POLA1: variants seen among roughly 807,000 people sequenced by gnomAD.
POLA1 encodes DNA polymerase alpha 1, catalytic subunit, also known as DNA polymerase alpha catalytic subunit.
A neutral mutation model predicts 124.0 loss-of-function variants in POLA1; 15 were observed. That is an observed-to-expected ratio of 0.12 (90% CI 0.08 to 0.19). The LOEUF is 0.19. POLA1 is among the 10% of genes least tolerant of loss of function. The probability of loss-of-function intolerance (pLI) is 1.00; values close to 1 mark genes in which losing one functional copy is unlikely to be tolerated. For missense variants in POLA1, 886 were observed against 1,103.4 expected (o/e 0.80, Z 2.79); for synonymous variants, 408 against 389.4 (o/e 1.05, Z -0.56).
rs1456435596 is a variant in POLA1 at position 24,739,376 on chromosome X, G to T, written c.2042G>T (p.Gly681Val). The change falls in exon 20 of 37, where the codon GGC (glycine) becomes GTC (valine). Residue 681 changes from glycine to valine, a missense_variant and splice_region_variant. Gly to Val is a moderately radical substitution (Grantham distance 109). This residue lies in a region of POLA1 where 182 missense variants were observed against 252.8 expected (regional missense o/e 0.72). Coordinates refer to ENST00000379068, the MANE Select transcript of POLA1 (RefSeq NM_001330360.2). ...TTGCTTTTTGTTCCCATCTTGTAGG[G>T]CCGGAGTGGATTTGGTGAAAGAAAT... ...LKRSNMPKLG[G>V]RSGFGERNAT... 2 of 1,179,398 alleles carry T rather than the reference G, an allele frequency of 1.7e-6. No homozygotes were observed. Among genetic ancestry groups the T allele is most frequent in the East Asian group, 3.1e-5 (1 of 32,329 alleles).
At chrX:24,772,556 C>T (rs780717909) in intron 26 of POLA1, among the ~76,000 whole-genome samples, 5 of 110,129 alleles carry the variant, frequency 4.5e-5, no homozygotes, top group East Asian at 2.8e-4. Flanking sequence ...CTCCACCCTC[C>T]GAGAGGCCCC....
intron 36 of POLA1, among the ~76,000 whole-genome samples, chrX:24,978,236 A>G (rs2048386913): frequency 8.9e-6 from 1 of 111,812 alleles, no homozygotes; most frequent in African/African-American, 3.3e-5. Flanking sequence ...TTTTTGTACT[A>G]GGAATTCAAT....
At chrX:24,719,025 C>CCT (rs1930031124) in intron 10 of POLA1, among the ~76,000 whole-genome samples, 2 of 111,951 alleles carry the variant, frequency 1.8e-5, no homozygotes, top group Non-Finnish European at 3.8e-5. Context: ...CATTGTGGGA[C>CCT]TGTGCATTGC....
chrX:24,918,457 A>C (rs1001730893), intron 35 of POLA1, among the ~76,000 whole-genome samples: 1 of 111,613 alleles, frequency 9.0e-6, no homozygotes, highest in Admixed American at 9.5e-5. Context: ...TTAACCCCCC[A>C]AAAAAGATTT....
At chrX:24,826,257 A>C (rs1339381027) in intron 31 of POLA1, among the ~76,000 whole-genome samples, 170 bp from the exon 32 acceptor site, 1 of 111,939 alleles carries the variant, frequency 8.9e-6, no homozygotes, top group African/African-American at 3.3e-5. Flanking sequence ...TGATTTTCCT[A>C]CTCAAAATGT....
chrX:24,767,279 C>G (rs1047079662), intron 26 of POLA1, among the ~76,000 whole-genome samples: 1 of 111,499 alleles, frequency 9.0e-6, no homozygotes, highest in Non-Finnish European at 1.9e-5. Context: ...ATGGTAATGC[C>G]TCCTAATTTA....
At chrX:24,836,270 G>T (rs972486960) in intron 32 of POLA1, among the ~76,000 whole-genome samples, 3 of 111,975 alleles carry the variant, frequency 2.7e-5, no homozygotes, top group Non-Finnish European at 5.6e-5. Context: ...TCTACTGGAG[G>T]TACACCTATG....
At chrX:24,792,436 T>C (rs1424651612) in intron 26 of POLA1, among the ~76,000 whole-genome samples, 3 of 112,713 alleles carry the variant, frequency 2.7e-5, no homozygotes, top group African/African-American at 9.7e-5. Context: ...TTGTAAATTC[T>C]GTTTCATGTT....
At chrX:24,897,046 A>G (rs1329935268) in intron 35 of POLA1, among the ~76,000 whole-genome samples, 1 of 111,609 alleles carries the variant, frequency 9.0e-6, no homozygotes, top group Non-Finnish European at 1.9e-5. Context: ...GAGTACAGAA[A>G]CAGAAGATAG....
rs762048887 is a variant in POLA1, at chrX:24,965,489, A to G, written c.4262-30316A>G. ...TGTGAGTTCCTTGGAGCCAGGGCTA[A>G]TTGCTTTTTCATCCTTGTGTTGCTA... On this transcript the variant is annotated intron_variant, in intron 36 of 36. Transcript: ENST00000379068. 8.1e-4 allele frequency among the ~76,000 whole-genome samples: 91 copies of G among 111,795 alleles called. 1 individual carries two copies. The Middle Eastern group carries it at 0.019, about 23-fold the overall frequency.
In POLA1 at chrX:24,770,927, C is replaced by A. The variant is rs193076830; in HGVS notation, c.2964+21935C>A. On this transcript the variant is annotated intron_variant, in intron 26 of 36. Coordinates refer to ENST00000379068, the MANE Select transcript of POLA1 (RefSeq NM_001330360.2). ...TAGTTTTTTTTAGGATGAAAAGTTG[C>A]TGCCTCACATTCCATAACAGTAACA... Among the ~76,000 whole-genome samples, 3 of 111,313 alleles carry A rather than the reference C, an allele frequency of 2.7e-5. No individual in the cohort carries two copies. In the East Asian group the frequency reaches 8.5e-4, roughly 31 times the overall value.
At chrX:24,875,564 T>G (rs2046918851) in intron 34 of POLA1, among the ~76,000 whole-genome samples, 1 of 112,011 alleles carries the variant, frequency 8.9e-6, no homozygotes, top group African/African-American at 3.2e-5. Flanking sequence ...AATCACAGTA[T>G]CTATAATTTC....
At chrX:24,951,465 A>G (rs965519144) in intron 36 of POLA1, among the ~76,000 whole-genome samples, 1 of 105,930 alleles carries the variant, frequency 9.4e-6, no homozygotes, top group Non-Finnish European at 1.9e-5. Context: ...AGAATACCAC[A>G]TGCTGTAATT....
In POLA1 at chrX:24,784,769, A is replaced by G. The variant is rs143531841; in HGVS notation, c.2965-25129A>G. On this transcript the variant is annotated intron_variant, in intron 26 of 36. Transcript: ENST00000379068. Reference sequence around the variant, plus strand: ...TTATAGGTCTCACAGGTAAGCAGCAATGGGAATTGAAGTAGACACTAATGT... The same window carrying G: ...TTATAGGTCTCACAGGTAAGCAGCAGTGGGAATTGAAGTAGACACTAATGT... 1.6e-3 allele frequency among the ~76,000 whole-genome samples: 175 copies of G among 112,215 alleles called. 1 individual carries two copies. Among genetic ancestry groups the G allele is most frequent in the African/African-American group, 5.1e-3 (157 of 30,947 alleles).
intron 26 of POLA1, 36 bp downstream of exon 26, chrX:24,749,028 G>C: frequency 9.0e-7 from 1 of 1,112,005 alleles, no homozygotes; most frequent in Non-Finnish European, 1.2e-6. Context: ...CTCTAGATAT[G>C]AGAGTATTTT....
intron 27 of POLA1, 64 bp from the exon 28 acceptor site, chrX:24,810,642 TTA>T: frequency 2.1e-6 from 1 of 481,775 alleles, no homozygotes; most frequent in Non-Finnish European, 3.6e-6. Context: ...TGGAAAATCT[TTA>T]GTTTCATTGT....
chrX:24,991,293 G>C (rs947136197), intron 36 of POLA1, among the ~76,000 whole-genome samples: 1 of 106,543 alleles, frequency 9.4e-6, no homozygotes, highest in African/African-American at 3.4e-5. Flanking sequence ...ATTTTCTTCC[G>C]ACATGACAAA....
At chrX:24,767,812 C>T (rs904653474) in intron 26 of POLA1, among the ~76,000 whole-genome samples, 1 of 112,058 alleles carries the variant, frequency 8.9e-6, no homozygotes, top group African/African-American at 3.2e-5. Flanking sequence ...TAAGTGGGAG[C>T]TGGGTGGAGG....
intron 31 of POLA1, among the ~76,000 whole-genome samples, chrX:24,824,608 C>T (rs761634707): frequency 9.1e-6 from 1 of 109,447 alleles, no homozygotes; most frequent in South Asian, 4.0e-4. Context: ...TGTGTCCAGC[C>T]GAAGGATGTA....
Sources: allele counts gnomAD v4.1 joint callset (sites outside exome capture counted in the v4.1 genomes callset), GRCh38; gene constraint gnomAD v4.1.1; regional missense constraint gnomAD v4.1.1; transcripts MANE v1.5; gene names NCBI Gene and HGNC (gene_info 2026-07-23, HGNC 2026-07-21).